Variants in KLF8 observed in about 807,000 individuals in gnomAD.
The protein encoded by KLF8 is Krueppel-like factor 8.
Under a neutral mutation model 18.2 loss-of-function variants are expected in KLF8, and 10 were observed. The ratio of observed to expected loss-of-function variants is 0.55; its 90% CI spans 0.34 to 0.93. KLF8 has a LOEUF of 0.93. KLF8 is among the 40% of genes least tolerant of loss of function. The pLI is 0.02. For missense variants in KLF8, 264 were observed against 277.9 expected, an observed-to-expected ratio of 0.95 and a Z score of 0.36; for synonymous variants, 109 against 97.3, an observed-to-expected ratio of 1.12 and a Z score of -0.71.
chrX:56,175,844 A>T, the KLF8 span, among the ~76,000 whole-genome samples: 2 of 111,623 alleles, frequency 1.8e-5, no homozygotes, highest in Admixed American at 9.6e-5. Context: ...TCCCTTTACC[A>T]TTATGTAATG....
the KLF8 span, among the ~76,000 whole-genome samples, chrX:56,078,210 G>C: frequency 8.9e-6 from 1 of 111,817 alleles, no homozygotes; most frequent in South Asian, 3.8e-4. Flanking sequence ...GGGCATCCCT[G>C]TCTTGTGCCA....
the KLF8 span, among the ~76,000 whole-genome samples, chrX:56,184,050 G>A: frequency 7.1e-5 from 8 of 112,301 alleles, no homozygotes; most frequent in African/African-American, 1.6e-4. Context: ...CACCATGCAC[G>A]AGTCGAAGCA....
chrX:55,975,952 A>G, the KLF8 span, among the ~76,000 whole-genome samples: 7 of 111,021 alleles, frequency 6.3e-5, no homozygotes, highest in Admixed American at 6.7e-4. Flanking sequence ...TCTACTAAAA[A>G]TATAAAATTA....
At chrX:56,063,976 T>C in the KLF8 span, among the ~76,000 whole-genome samples, 2 of 108,923 alleles carry the variant, frequency 1.8e-5, no homozygotes, top group Non-Finnish European at 3.8e-5. Context: ...CTTCTATATA[T>C]GTACATATAT....
chrX:56,243,612 C>G (rs1185966094), intron 1 of KLF8, among the ~76,000 whole-genome samples: 2 of 98,628 alleles, frequency 2.0e-5, no homozygotes, highest in African/African-American at 3.7e-5. Context: ...CCTCAGCTCA[C>G]TGCAACCTCC....
At chrX:56,080,978 G>A in the KLF8 span, among the ~76,000 whole-genome samples, 3 of 110,415 alleles carry the variant, frequency 2.7e-5, no homozygotes, top group Admixed American at 9.6e-5. Context: ...CGTAGTTCTC[G>A]AGCCTTGGTT....
chrX:56,222,342 C>T, the KLF8 span, among the ~76,000 whole-genome samples: 1 of 110,700 alleles, frequency 9.0e-6, no homozygotes, highest in Admixed American at 9.5e-5. Flanking sequence ...CATAAAGATT[C>T]TCCAAGTCCC....
intron 2 of KLF8, among the ~76,000 whole-genome samples, chrX:56,258,687 G>T (rs967780652): frequency 8.9e-6 from 1 of 112,116 alleles, no homozygotes; most frequent in African/African-American, 3.2e-5. Flanking sequence ...TTTGAAATTG[G>T]TTCAATGTGT....
At chrX:56,119,232 C>T in the KLF8 span, among the ~76,000 whole-genome samples, 1 of 110,577 alleles carries the variant, frequency 9.0e-6, no homozygotes, top group African/African-American at 3.3e-5. Flanking sequence ...GCTTTTATTT[C>T]CTTTGCTAAA....
At chrX:56,173,693 A>T in the KLF8 span, among the ~76,000 whole-genome samples, 1 of 111,715 alleles carries the variant, frequency 9.0e-6, no homozygotes, top group Non-Finnish European at 1.9e-5. Flanking sequence ...CTTGGGCATT[A>T]TGGCCATTTT....
the KLF8 span, among the ~76,000 whole-genome samples, chrX:56,047,798 G>C: frequency 9.0e-6 from 1 of 111,327 alleles, no homozygotes; most frequent in East Asian, 2.8e-4. Flanking sequence ...GGATGGCTGG[G>C]TCAAATGATA....
At chrX:55,964,831 C>T in the KLF8 span, among the ~76,000 whole-genome samples, 172 of 111,382 alleles carry the variant, frequency 1.5e-3, 1 homozygote, top group African/African-American at 5.4e-3. Flanking sequence ...CCTGGAAATA[C>T]ACAACTTTTC....
the KLF8 span, among the ~76,000 whole-genome samples, chrX:56,076,757 A>G: frequency 1.8e-5 from 2 of 111,726 alleles, no homozygotes; most frequent in African/African-American, 6.5e-5. Flanking sequence ...AGTCCCACCA[A>G]CAGTGTAAAA....
At chrX:56,104,069 A>G in the KLF8 span, among the ~76,000 whole-genome samples, 4 of 111,831 alleles carry the variant, frequency 3.6e-5, no homozygotes. Context: ...AGCCCACTTG[A>G]TCATAGTGGA....
the KLF8 span, among the ~76,000 whole-genome samples, chrX:56,029,456 G>A: frequency 1.8e-5 from 2 of 110,952 alleles, no homozygotes; most frequent in East Asian, 5.7e-4. Context: ...GGAGACTCTT[G>A]CTCCTATTAT....
the KLF8 span, among the ~76,000 whole-genome samples, chrX:56,094,741 A>C: frequency 9.0e-6 from 1 of 111,719 alleles, no homozygotes; most frequent in South Asian, 3.7e-4. Context: ...CAGTAAAATT[A>C]TACAAAATGT....
the KLF8 span, among the ~76,000 whole-genome samples, chrX:56,100,239 GTTTACAGCATAGTTTAATGAATAT>G: frequency 5.3e-4 from 59 of 110,897 alleles, no homozygotes; most frequent in African/African-American, 1.9e-3. Context: ...CAACATATCT[GTTTACAGCATAGTTTAATGAATAT>G]TTTAAGCCCA....
At chrX:55,985,329 A>G in the KLF8 span, among the ~76,000 whole-genome samples, 2 of 112,022 alleles carry the variant, frequency 1.8e-5, no homozygotes, top group African/African-American at 6.5e-5. Context: ...TTAATTCTTT[A>G]ATTTTCTGCA....
the KLF8 span, among the ~76,000 whole-genome samples, chrX:56,049,660 T>A: frequency 2.9e-5 from 3 of 103,253 alleles, no homozygotes; most frequent in Non-Finnish European, 5.9e-5. Flanking sequence ...GCTGCTGGAT[T>A]CGGTTTGCCA....
Sources: gnomAD v4.1 joint callset for allele counts (sites outside exome capture counted in the v4.1 genomes callset) on GRCh38, gnomAD v4.1.1 for gene constraint, MANE v1.5 for transcripts, NCBI Gene and HGNC (gene_info 2026-07-23, HGNC 2026-07-21) for gene names.